KCNN2: variants seen among roughly 807,000 people sequenced by gnomAD.
KCNN2 encodes the protein small conductance calcium-activated potassium channel protein 2.
In KCNN2, 24 loss-of-function variants were observed where a neutral mutation model predicts 55.5. The observed-to-expected ratio is 0.43, with a 90% CI of 0.31 to 0.61. KCNN2 has a LOEUF of 0.61. Among genes scored for constraint, KCNN2 ranks in the 20% least tolerant of loss-of-function variants. The pLI is 0.08. For missense variants in KCNN2, 754 were observed against 853.6 expected, an observed-to-expected ratio of 0.88 and a Z score of 1.45; for synonymous variants, 431 against 336.1, an observed-to-expected ratio of 1.28 and a Z score of -3.09.
intron 2 of KCNN2, among the ~76,000 whole-genome samples, chr5:114,262,943 C>A (rs764654109): frequency 1.1e-4 from 17 of 152,098 alleles, no homozygotes; most frequent in Admixed American, 7.8e-4. Flanking sequence ...ATATCATTCG[C>A]CAATTGTGAG....
chr5:114,304,268 C>T (rs180832096), intron 2 of KCNN2, among the ~76,000 whole-genome samples: 4 of 152,194 alleles, frequency 2.6e-5, no homozygotes, highest in South Asian at 2.1e-4. Flanking sequence ...ACAGTTTTTA[C>T]GAGGCCATAG....
At chr5:114,229,304 A>C (rs1362908621) in intron 2 of KCNN2, among the ~76,000 whole-genome samples, 1 of 149,442 alleles carries the variant, frequency 6.7e-6, no homozygotes, top group Admixed American at 6.6e-5. Flanking sequence ...TTTTTTTAAC[A>C]TTTTCTTTTT....
intron 2 of KCNN2, among the ~76,000 whole-genome samples, chr5:114,274,956 T>C (rs183374500): frequency 3.3e-4 from 50 of 152,232 alleles, no homozygotes; most frequent in Middle Eastern, 3.4e-3. Flanking sequence ...AATTCAGTGA[T>C]ATTGGCTGTT....
At chr5:114,356,623 T>A (rs1380419507) in intron 2 of KCNN2, among the ~76,000 whole-genome samples, 1 of 151,998 alleles carries the variant, frequency 6.6e-6, no homozygotes, top group African/African-American at 2.4e-5. Flanking sequence ...AGTTAGGAAG[T>A]GAATGGATAG....
intron 3 of KCNN2, among the ~76,000 whole-genome samples, chr5:114,428,865 G>T (rs1014069214): frequency 6.6e-6 from 1 of 151,990 alleles, no homozygotes; most frequent in African/African-American, 2.4e-5. Context: ...TTAGCAATAT[G>T]CATTTAAGAT....
At chr5:114,199,449 C>T (rs565274010) in intron 1 of KCNN2, among the ~76,000 whole-genome samples, 65 of 152,054 alleles carry the variant, frequency 4.3e-4, no homozygotes, top group African/African-American at 1.5e-3. Flanking sequence ...GGCTTTGTTC[C>T]TGTCATATTA....
chr5:114,160,216 T>C (rs1374794324), intron 1 of KCNN2, among the ~76,000 whole-genome samples: 1 of 152,222 alleles, frequency 6.6e-6, no homozygotes, highest in African/African-American at 2.4e-5. Context: ...TTTGTTCTCA[T>C]TGGTTTCAAA....
At chr5:114,145,350 A>C (rs1398125289) in intron 1 of KCNN2, among the ~76,000 whole-genome samples, 24 of 152,228 alleles carry the variant, frequency 1.6e-4, no homozygotes, top group Admixed American at 1.6e-3. Flanking sequence ...CTTCCATATT[A>C]ATTTGTTAGC....
intron 1 of KCNN2, among the ~76,000 whole-genome samples, chr5:114,127,791 C>G (rs1341731610): frequency 6.6e-6 from 1 of 152,188 alleles, no homozygotes; most frequent in Non-Finnish European, 1.5e-5. Context: ...TGCTTTGCTA[C>G]TTAGAAATTT....
At chr5:114,335,651 G>A (rs751746831) in intron 2 of KCNN2, among the ~76,000 whole-genome samples, 2 of 152,124 alleles carry the variant, frequency 1.3e-5, no homozygotes, top group Non-Finnish European at 2.9e-5. Context: ...GATTTGGGCT[G>A]GTTTTCATTA....
At chr5:114,402,255 G>T (rs1237772693) in intron 2 of KCNN2, among the ~76,000 whole-genome samples, 1 of 152,102 alleles carries the variant, frequency 6.6e-6, no homozygotes, top group Non-Finnish European at 1.5e-5. Context: ...AAGATGGGAG[G>T]ATCAGATTTC....
At chr5:114,431,923 C>A (rs1414671728) in intron 3 of KCNN2, among the ~76,000 whole-genome samples, 1 of 152,068 alleles carries the variant, frequency 6.6e-6, no homozygotes, top group Non-Finnish European at 1.5e-5. Flanking sequence ...TAGTTTAATT[C>A]CATTTTGGTC....
intron 1 of KCNN2, among the ~76,000 whole-genome samples, chr5:114,202,492 G>T (rs1210509049): frequency 3.2e-5 from 2 of 63,150 alleles, no homozygotes; most frequent in Non-Finnish European, 6.2e-5. Flanking sequence ...AGCACTTCAT[G>T]CCTAATATAT....
chr5:114,449,074 C>T (rs1347422431), intron 3 of KCNN2, among the ~76,000 whole-genome samples: 1 of 152,164 alleles, frequency 6.6e-6, no homozygotes, highest in Non-Finnish European at 1.5e-5. Flanking sequence ...AATGAAATGG[C>T]ACAGAACGAT....
intron 3 of KCNN2, among the ~76,000 whole-genome samples, chr5:114,450,098 G>A (rs1013302804): frequency 1.2e-4 from 19 of 152,308 alleles, no homozygotes; most frequent in African/African-American, 4.6e-4. Flanking sequence ...CCGCCACACC[G>A]TTCTTTGCCT....
intron 2 of KCNN2, among the ~76,000 whole-genome samples, chr5:114,353,346 T>C (rs1175744317): frequency 1.3e-5 from 2 of 151,884 alleles, no homozygotes; most frequent in African/African-American, 4.8e-5. Context: ...TCTGGTGTCA[T>C]TTCTGTACTT....
At chr5:114,098,308 T>C (rs956769064) in intron 1 of KCNN2, among the ~76,000 whole-genome samples, 1 of 152,096 alleles carries the variant, frequency 6.6e-6, no homozygotes, top group Non-Finnish European at 1.5e-5. Flanking sequence ...ACTTGGATTC[T>C]TTAGGGACCA....
intron 1 of KCNN2, among the ~76,000 whole-genome samples, chr5:114,128,400 GAACT>G (rs1751983914): frequency 6.6e-6 from 1 of 152,078 alleles, no homozygotes; most frequent in South Asian, 2.1e-4. Context: ...GATTTCATGG[GAACT>G]AACTCACTAT....
rs147647086 is a variant in KCNN2 at position 114,468,124 on chromosome 5, T to C, written c.1780-4930T>C. Among the ~76,000 whole-genome samples the C allele has an allele frequency of 7.4e-3, 1,129 of 152,280 alleles. 8 individuals carry two copies. The highest frequency in any genetic ancestry group is 0.011 in the Admixed American group (171 of 15,286). On this transcript the variant is annotated intron_variant, in intron 4 of 7. Coordinates refer to ENST00000673685, the MANE Select transcript of KCNN2 (RefSeq NM_021614.4). ...TGACCTCCACCCTTAGTAGCAAATATCAACTTGTATTTGAAGACACTTAGA... is the reference window on the plus strand; with the variant it reads ...TGACCTCCACCCTTAGTAGCAAATACCAACTTGTATTTGAAGACACTTAGA...
Sources: gnomAD v4.1 joint callset for allele counts (sites outside exome capture counted in the v4.1 genomes callset) on GRCh38, gnomAD v4.1.1 for gene constraint, MANE v1.5 for transcripts, NCBI Gene and HGNC (gene_info 2026-07-23, HGNC 2026-07-21) for gene names.